Variants in NAALADL2 observed in about 807,000 individuals in gnomAD.
NAALADL2 encodes the protein inactive N-acetylated-alpha-linked acidic dipeptidase-like protein 2.
In NAALADL2, 76 loss-of-function variants were observed where a neutral mutation model predicts 87.2. The observed-to-expected ratio is 0.87, with a 90% CI of 0.72 to 1.05. The LOEUF (loss-of-function observed/expected upper bound fraction) is 1.05, where lower values mean the gene tolerates loss of function less well. NAALADL2 is among the 50% of genes least tolerant of loss of function. NAALADL2 has a pLI of 0.00. For missense variants in NAALADL2, 1,089 were observed against 945.8 expected, an observed-to-expected ratio of 1.15 and a Z score of -1.99; for synonymous variants, 354 against 331.0, an observed-to-expected ratio of 1.07 and a Z score of -0.75.
At chr3:175,102,637 A>G (rs1195241279) in intron 2 of NAALADL2, among the ~76,000 whole-genome samples, 3 of 152,200 alleles carry the variant, frequency 2.0e-5, no homozygotes, top group Non-Finnish European at 4.4e-5. Flanking sequence ...ATAATAAAAT[A>G]CAATCTCTAG....
At chr3:174,629,812 G>A (rs1215050593) in intron 2 of NAALADL2, among the ~76,000 whole-genome samples, 3 of 152,122 alleles carry the variant, frequency 2.0e-5, no homozygotes. Context: ...TGAGTCCTGT[G>A]CACACAAAGC....
At chr3:174,904,416 T>A (rs970970586) in intron 1 of NAALADL2, among the ~76,000 whole-genome samples, 1 of 151,896 alleles carries the variant, frequency 6.6e-6, no homozygotes, top group Non-Finnish European at 1.5e-5. Context: ...CTTGAAAGTT[T>A]GGCATTCTAC....
chr3:174,642,547 T>G (rs1234288015), intron 2 of NAALADL2, among the ~76,000 whole-genome samples: 1 of 149,560 alleles, frequency 6.7e-6, no homozygotes, highest in Non-Finnish European at 1.5e-5. Flanking sequence ...ACACAGGGTA[T>G]CTATCCCACA....
At chr3:175,139,717 A>G (rs1729705351) in intron 2 of NAALADL2, among the ~76,000 whole-genome samples, 1 of 152,110 alleles carries the variant, frequency 6.6e-6, no homozygotes, top group Non-Finnish European at 1.5e-5. Flanking sequence ...ATCAAATTAT[A>G]TTTCTTCTTA....
intron 2 of NAALADL2, among the ~76,000 whole-genome samples, chr3:175,171,050 A>G (rs938960128): frequency 6.6e-6 from 1 of 151,938 alleles, no homozygotes; most frequent in East Asian, 1.9e-4. Context: ...AATAGAACAA[A>G]TATTATTATT....
chr3:174,717,852 A>C, intron 2 of NAALADL2, among the ~76,000 whole-genome samples: 1 of 152,106 alleles, frequency 6.6e-6, no homozygotes, highest in East Asian at 1.9e-4. Context: ...TTGGCCGGGC[A>C]TGGTGGCTCA....
chr3:174,832,849 G>A (rs545506245), intron 3 of NAALADL2, among the ~76,000 whole-genome samples: 1 of 152,236 alleles, frequency 6.6e-6, no homozygotes, highest in South Asian at 2.1e-4. Flanking sequence ...GCAAGTAGTG[G>A]CTGGACTAAA....
At chr3:175,267,005 A>T (rs1348673005) in intron 4 of NAALADL2, among the ~76,000 whole-genome samples, 1 of 150,084 alleles carries the variant, frequency 6.7e-6, no homozygotes, top group Non-Finnish European at 1.5e-5. Context: ...TAAAAGTTCA[A>T]AGCTTTCTTA....
chr3:174,652,299 C>T (rs1228802440), intron 2 of NAALADL2, among the ~76,000 whole-genome samples: 1 of 152,148 alleles, frequency 6.6e-6, no homozygotes, highest in African/African-American at 2.4e-5. Context: ...GGGATATCTT[C>T]GTGACTTTGT....
chr3:175,196,812 A>C (rs1739083354), intron 2 of NAALADL2, among the ~76,000 whole-genome samples: 1 of 151,920 alleles, frequency 6.6e-6, no homozygotes, highest in African/African-American at 2.4e-5. Context: ...ATTTGTCTTG[A>C]AATTGAAAGC....
intron 2 of NAALADL2, among the ~76,000 whole-genome samples, chr3:174,618,521 G>A (rs1045268938): frequency 2.0e-5 from 3 of 151,612 alleles, no homozygotes; most frequent in Admixed American, 2.0e-4. Flanking sequence ...GTTATTTCCT[G>A]CCCTAGAGTA....
intron 2 of NAALADL2, among the ~76,000 whole-genome samples, chr3:174,610,055 C>A (rs2108636346): frequency 6.6e-6 from 1 of 152,026 alleles, no homozygotes; most frequent in African/African-American, 2.4e-5. Context: ...GAAAAACAAG[C>A]AATGGGGAAA....
chr3:174,707,233 G>A (rs1397441150), intron 2 of NAALADL2, among the ~76,000 whole-genome samples: 1 of 151,852 alleles, frequency 6.6e-6, no homozygotes, highest in African/African-American at 2.4e-5. Context: ...GGAAGACAGT[G>A]TGGCGATTCC....
rs114837594 is a variant in NAALADL2, at chr3:175,633,815, C to T, written c.1896+6429C>T. On this transcript the variant is annotated intron_variant, in intron 11 of 13. Transcript: ENST00000454872. ...TAGGGCTTTCAAAAGATCCTGTTTA[C>T]GTATTACAAAAACAGGAAGAGATGG... Among the ~76,000 whole-genome samples the T allele has an allele frequency of 7.0e-3, 1,057 of 151,434 alleles. 10 individuals carry two copies. Among genetic ancestry groups the T allele is most frequent in the African/African-American group, 0.024 (1,002 of 41,398 alleles).
intron 2 of NAALADL2, among the ~76,000 whole-genome samples, chr3:174,602,472 A>G (rs951853424): frequency 5.9e-5 from 9 of 152,062 alleles, no homozygotes; most frequent in African/African-American, 1.9e-4. Flanking sequence ...ATATTCTTCA[A>G]CTTTACTGAA....
intron 11 of NAALADL2, among the ~76,000 whole-genome samples, chr3:175,630,484 A>C (rs1013164236): frequency 6.6e-6 from 1 of 151,714 alleles, no homozygotes; most frequent in African/African-American, 2.4e-5. Flanking sequence ...ATTAAAAAAA[A>C]CTAGTATTAA....
At chr3:175,334,765 A>G (rs1761806765) in intron 5 of NAALADL2, among the ~76,000 whole-genome samples, 1 of 152,194 alleles carries the variant, frequency 6.6e-6, no homozygotes, top group African/African-American at 2.4e-5. Flanking sequence ...TTAATGATCA[A>G]TACCTGTGGA....
At chr3:174,629,129 G>T (rs755453727) in intron 2 of NAALADL2, among the ~76,000 whole-genome samples, 5 of 152,166 alleles carry the variant, frequency 3.3e-5, no homozygotes, top group Non-Finnish European at 5.9e-5. Flanking sequence ...ACAGAAACAG[G>T]TGAATGTACA....
At chr3:174,984,569 A>C (rs1212137176) in intron 1 of NAALADL2, among the ~76,000 whole-genome samples, 3 of 152,196 alleles carry the variant, frequency 2.0e-5, no homozygotes, top group Non-Finnish European at 2.9e-5. Context: ...TGTTTTAAAA[A>C]TCTTTAGCTG....
Sources: gnomAD v4.1 joint callset for allele counts (sites outside exome capture counted in the v4.1 genomes callset) on GRCh38, gnomAD v4.1.1 for gene constraint, MANE v1.5 for transcripts, NCBI Gene and HGNC (gene_info 2026-07-23, HGNC 2026-07-21) for gene names.